Variants in RANBP17 observed in about 807,000 individuals in gnomAD.
RANBP17 encodes the protein RAN binding protein 17.
RANBP17 carries 158 observed loss-of-function variants against 141.2 expected under a neutral mutation model. The observed-to-expected ratio is 1.12, with a 90% CI of 0.98 to 1.28. The LOEUF is 1.28. RANBP17 is among the 50% of genes most tolerant of loss of function. The pLI, the probability that RANBP17 is intolerant of heterozygous loss-of-function variation, is 0.00. For missense variants in RANBP17, 1,438 were observed against 1,290.7 expected (o/e 1.11, Z -1.75); for synonymous variants, 430 against 450.0 (o/e 0.96, Z 0.56).
chr5:171,297,800 G>A (rs1280733501), intron 27 of RANBP17, among the ~76,000 whole-genome samples: 1 of 141,914 alleles, frequency 7.0e-6, no homozygotes, highest in Non-Finnish European at 1.5e-5. Flanking sequence ...ACTGTGTTGA[G>A]TACTTACAGG....
At chr5:171,174,881 A>C (rs1581791883) in intron 16 of RANBP17, among the ~76,000 whole-genome samples, 1 of 151,594 alleles carries the variant, frequency 6.6e-6, no homozygotes, top group Admixed American at 6.6e-5. Context: ...CACGCGTGCC[A>C]TGGTGGTTTG....
chr5:171,178,385 T>C (rs910620223), intron 16 of RANBP17, among the ~76,000 whole-genome samples: 3 of 152,078 alleles, frequency 2.0e-5, no homozygotes, highest in Non-Finnish European at 4.4e-5. Flanking sequence ...TATTCCATGG[T>C]GTATATGTGC....
chr5:170,988,963 G>T (rs1355483604), intron 14 of RANBP17, among the ~76,000 whole-genome samples: 6 of 151,790 alleles, frequency 4.0e-5, no homozygotes. Flanking sequence ...GTCTTGGGTA[G>T]AATTTGCTAT....
chr5:171,061,973 G>T, intron 14 of RANBP17, among the ~76,000 whole-genome samples: 1 of 151,776 alleles, frequency 6.6e-6, no homozygotes, highest in East Asian at 1.9e-4. Flanking sequence ...CAGAGACTAG[G>T]ATTGCAACCC....
intron 14 of RANBP17, among the ~76,000 whole-genome samples, chr5:170,981,920 T>A (rs1269472719): frequency 6.6e-6 from 1 of 152,058 alleles, no homozygotes; most frequent in Non-Finnish European, 1.5e-5. Flanking sequence ...CAGTTCGGGG[T>A]GTGGCTAAAA....
intron 13 of RANBP17, among the ~76,000 whole-genome samples, chr5:170,962,189 A>G (rs573162663): frequency 6.6e-6 from 1 of 152,338 alleles, no homozygotes; most frequent in East Asian, 1.9e-4. Flanking sequence ...TATGTAAGCC[A>G]TTGTTATTTT....
chr5:171,224,767 T>C (rs1240913096), intron 22 of RANBP17, among the ~76,000 whole-genome samples: 1 of 152,214 alleles, frequency 6.6e-6, no homozygotes, highest in African/African-American at 2.4e-5. Context: ...AAGATGAGAT[T>C]AGAGTAAGGC....
At chr5:170,978,782 A>C (rs1234790378) in intron 14 of RANBP17, among the ~76,000 whole-genome samples, 1 of 125,148 alleles carries the variant, frequency 8.0e-6, no homozygotes, top group Non-Finnish European at 1.8e-5. Flanking sequence ...GATGGGGCTT[A>C]AATGAGTGTA....
At chr5:171,053,949 G>A in intron 14 of RANBP17, among the ~76,000 whole-genome samples, 1 of 122,132 alleles carries the variant, frequency 8.2e-6, no homozygotes, top group Non-Finnish European at 1.7e-5. Context: ...ATGCATATAT[G>A]CTTATCATTG....
intron 1 of RANBP17, among the ~76,000 whole-genome samples, chr5:170,865,930 A>T (rs1309224019): frequency 1.3e-5 from 2 of 152,210 alleles, no homozygotes; most frequent in South Asian, 2.1e-4. Context: ...GCCTCAGGAC[A>T]TGTTGTGCTC....
intron 14 of RANBP17, among the ~76,000 whole-genome samples, chr5:171,107,972 G>A (rs1326534158): frequency 1.3e-5 from 2 of 152,184 alleles, no homozygotes; most frequent in Non-Finnish European, 2.9e-5. Flanking sequence ...ATGAGCCTGT[G>A]GCCAGGCCAT....
intron 14 of RANBP17, among the ~76,000 whole-genome samples, chr5:171,163,371 G>A (rs907413436): frequency 1.2e-4 from 18 of 152,126 alleles, no homozygotes; most frequent in African/African-American, 4.3e-4. Context: ...TGCTTCAAAT[G>A]TTAATGAAAG....
intron 12 of RANBP17, among the ~76,000 whole-genome samples, chr5:170,946,452 A>G (rs1217619086): frequency 1.3e-5 from 2 of 152,146 alleles, no homozygotes; most frequent in Non-Finnish European, 2.9e-5. Flanking sequence ...CCTACACACA[A>G]TTGGAGCATA....
chr5:170,945,819 C>A (rs186836631), intron 12 of RANBP17, among the ~76,000 whole-genome samples: 46 of 152,022 alleles, frequency 3.0e-4, no homozygotes, highest in African/African-American at 1.1e-3. Flanking sequence ...TTTTGGGAAT[C>A]AAAAAAAGTG....
chr5:171,082,486 A>G (rs1329485779), intron 14 of RANBP17, among the ~76,000 whole-genome samples: 1 of 152,164 alleles, frequency 6.6e-6, no homozygotes, highest in Non-Finnish European at 1.5e-5. Flanking sequence ...TAATCAATGT[A>G]TGCATCTCAG....
At chr5:170,875,653 A>G (rs556303264) in intron 1 of RANBP17, among the ~76,000 whole-genome samples, 1 of 151,750 alleles carries the variant, frequency 6.6e-6, no homozygotes, top group Admixed American at 6.6e-5. Flanking sequence ...TTTCAGCTCC[A>G]TCGGGTTATT....
intron 22 of RANBP17, among the ~76,000 whole-genome samples, chr5:171,230,612 A>C (rs1242884448): frequency 6.6e-6 from 1 of 152,108 alleles, no homozygotes; most frequent in Non-Finnish European, 1.5e-5. Context: ...AATACAAAAA[A>C]TTAGTCAGGT....
chr5:170,864,060 T>G (rs896122373), intron 1 of RANBP17, among the ~76,000 whole-genome samples: 6 of 152,350 alleles, frequency 3.9e-5, no homozygotes, highest in Admixed American at 3.9e-4. Context: ...AGTTTTCATA[T>G]CCTCATTATA....
intron 9 of RANBP17, 112 bp downstream of exon 9, chr5:170,916,696 T>A: frequency 3.1e-6 from 2 of 638,344 alleles, no homozygotes; most frequent in Non-Finnish European, 4.9e-6. Context: ...ACATTTAGTA[T>A]CATATATATC....
Sources: allele counts gnomAD v4.1 joint callset (sites outside exome capture counted in the v4.1 genomes callset), GRCh38; gene constraint gnomAD v4.1.1; transcripts MANE v1.5; gene names NCBI Gene and HGNC (gene_info 2026-07-23, HGNC 2026-07-21).